The following UHRF2 variants were observed in gnomAD, a reference collection of about 807,000 sequenced individuals.
The protein encoded by UHRF2 is E3 ubiquitin-protein ligase UHRF2.
A neutral mutation model predicts 96.8 loss-of-function variants in UHRF2; 23 were observed. The ratio of observed to expected loss-of-function variants is 0.24; its 90% CI spans 0.17 to 0.34. The LOEUF (loss-of-function observed/expected upper bound fraction) is 0.34, where lower values mean the gene tolerates loss of function less well. UHRF2 is among the 10% of genes least tolerant of loss of function. The probability of loss-of-function intolerance (pLI) is 1.00; values close to 1 mark genes in which losing one functional copy is unlikely to be tolerated. For missense variants in UHRF2, 685 were observed against 981.5 expected, an observed-to-expected ratio of 0.70 and a Z score of 4.04; for synonymous variants, 385 against 332.6, an observed-to-expected ratio of 1.16 and a Z score of -1.72.
chr9:6,432,609 A>T (rs1348255668), intron 2 of UHRF2, among the ~76,000 whole-genome samples: 2 of 152,210 alleles, frequency 1.3e-5, no homozygotes, highest in Non-Finnish European at 2.9e-5. Flanking sequence ...AGGGTTAGAC[A>T]TATCTAAGTA....
Position 6,474,823 on chromosome 9 carries a change from G to A in UHRF2, c.864-568G>A, listed in dbSNP as rs144149550. On this transcript the variant is annotated intron_variant, in intron 4 of 15. Transcript: ENST00000276893. ...ATGAATTGAGTCTGACAAGTATGGT[G>A]TAGTATTTGAAAGACTTTATGAAAA... 7.9e-3 allele frequency among the ~76,000 whole-genome samples: 1,198 copies of A among 152,272 alleles called. 15 individuals are homozygous for A. Among genetic ancestry groups the A allele is most frequent in the African/African-American group, 0.026 (1,099 of 41,550 alleles).
At chr9:6,466,962 TCTGA>T (rs1250733420) in intron 4 of UHRF2, among the ~76,000 whole-genome samples, 2 of 152,256 alleles carry the variant, frequency 1.3e-5, no homozygotes, top group South Asian at 2.1e-4. Flanking sequence ...TCTCCCTTAC[TCTGA>T]CTTTTTCTGA....
chr9:6,468,011 A>T (rs1422598436), intron 4 of UHRF2, among the ~76,000 whole-genome samples: 1 of 152,178 alleles, frequency 6.6e-6, no homozygotes, highest in Non-Finnish European at 1.5e-5. Flanking sequence ...ACTTGAAATT[A>T]CATAATGTGT....
At chr9:6,423,996 A>T (rs949484281) in intron 2 of UHRF2, among the ~76,000 whole-genome samples, 5 of 32,396 alleles carry the variant, frequency 1.5e-4, no homozygotes, top group Non-Finnish European at 1.6e-4. Context: ...GAATAGACAG[A>T]ATAGGTTAAT....
intron 3 of UHRF2, among the ~76,000 whole-genome samples, chr9:6,447,238 T>C (rs184749288): frequency 6.6e-6 from 1 of 152,268 alleles, no homozygotes; most frequent in East Asian, 1.9e-4. Flanking sequence ...ATTAGCAAAA[T>C]AGATGTCAGG....
intron 4 of UHRF2, among the ~76,000 whole-genome samples, chr9:6,471,441 C>G (rs1463152053): frequency 6.6e-6 from 1 of 152,142 alleles, no homozygotes; most frequent in Non-Finnish European, 1.5e-5. Flanking sequence ...ACTAGGGTGG[C>G]TCTTTGTGAC....
chr9:6,423,631 G>C (rs1820062185), intron 2 of UHRF2, among the ~76,000 whole-genome samples: 1 of 141,964 alleles, frequency 7.0e-6, no homozygotes, highest in Admixed American at 7.1e-5. Flanking sequence ...TGAGTCATTA[G>C]TGATTTTTTT....
intron 2 of UHRF2, among the ~76,000 whole-genome samples, chr9:6,422,427 T>A (rs1250789775): frequency 1.3e-5 from 2 of 152,088 alleles, no homozygotes; most frequent in East Asian, 3.9e-4. Flanking sequence ...TCTTTCCTCT[T>A]TCAGGGTCTC....
At chr9:6,494,811 T>C (rs1384114651) in intron 10 of UHRF2, 1 of 152,178 alleles carries the variant, frequency 6.6e-6, no homozygotes, top group African/African-American at 2.4e-5. Flanking sequence ...CTGATTACTG[T>C]GTGATGTAAA....
At chr9:6,470,255 C>G (rs551072546) in intron 4 of UHRF2, among the ~76,000 whole-genome samples, 2 of 151,964 alleles carry the variant, frequency 1.3e-5, no homozygotes, top group African/African-American at 4.8e-5. Flanking sequence ...CACCTGTAAC[C>G]CCAGCTATTT....
At chr9:6,496,506 C>T (rs1271548192) in intron 10 of UHRF2, 2 of 152,204 alleles carry the variant, frequency 1.3e-5, no homozygotes, top group Non-Finnish European at 2.9e-5. Flanking sequence ...GGTACTACTT[C>T]CAATTCAGTG....
intron 2 of UHRF2, among the ~76,000 whole-genome samples, chr9:6,424,447 C>G (rs536418778): frequency 6.6e-6 from 1 of 152,276 alleles, no homozygotes; most frequent in East Asian, 1.9e-4. Context: ...TTTCATCCAC[C>G]TTTTAAATAC....
intron 3 of UHRF2, among the ~76,000 whole-genome samples, chr9:6,459,217 AAAAG>A (rs780669925): frequency 2.6e-4 from 40 of 152,342 alleles, no homozygotes; most frequent in African/African-American, 8.9e-4. Context: ...AAATTTTAAA[AAAAG>A]AAAGAAAGAA....
chr9:6,442,002 G>C (rs1821194009), intron 3 of UHRF2, among the ~76,000 whole-genome samples: 1 of 152,122 alleles, frequency 6.6e-6, no homozygotes, highest in Non-Finnish European at 1.5e-5. Context: ...TTCTTGCTCT[G>C]TTGCCCAGGC....
chr9:6,420,282 C>T (rs562103158), intron 1 of UHRF2, among the ~76,000 whole-genome samples: 1 of 151,978 alleles, frequency 6.6e-6, no homozygotes, highest in Admixed American at 6.5e-5. Context: ...GTCTCAAACT[C>T]CTGACCTCGT....
chr9:6,420,612 C>T (rs544078410), intron 1 of UHRF2, among the ~76,000 whole-genome samples: 12 of 151,086 alleles, frequency 7.9e-5, no homozygotes, highest in Middle Eastern at 3.5e-3. Flanking sequence ...GAGGCTGAGG[C>T]AGGAGAATGG....
intron 3 of UHRF2, among the ~76,000 whole-genome samples, chr9:6,450,896 C>T (rs1185089630): frequency 6.6e-6 from 1 of 152,032 alleles, no homozygotes; most frequent in Non-Finnish European, 1.5e-5. Context: ...AGCACATAGT[C>T]TGTGCTGCTT....
chr9:6,470,260 C>G (rs1057070675), intron 4 of UHRF2, among the ~76,000 whole-genome samples: 5 of 151,418 alleles, frequency 3.3e-5, no homozygotes, highest in Non-Finnish European at 4.4e-5. Flanking sequence ...GTAACCCCAG[C>G]TATTTGTGAG....
At chr9:6,418,016 C>A (rs1012462627) in intron 1 of UHRF2, among the ~76,000 whole-genome samples, 5 of 152,102 alleles carry the variant, frequency 3.3e-5, no homozygotes, top group Non-Finnish European at 7.4e-5. Flanking sequence ...AGTTAATTTG[C>A]ATGTTTTATA....
Sources: gnomAD v4.1 joint callset for allele counts (sites outside exome capture counted in the v4.1 genomes callset) on GRCh38, gnomAD v4.1.1 for gene constraint, MANE v1.5 for transcripts, NCBI Gene and HGNC (gene_info 2026-07-23, HGNC 2026-07-21) for gene names.